Variants in SYT14 observed in about 807,000 individuals in gnomAD.
SYT14 encodes synaptotagmin-14.
Under a neutral mutation model 74.2 loss-of-function variants are expected in SYT14, and 32 were observed. The observed-to-expected ratio is 0.43, with a 90% CI of 0.33 to 0.58. SYT14 has a LOEUF of 0.58. SYT14 is among the 20% of genes least tolerant of loss of function. SYT14 has a pLI of 0.05. For synonymous variants in SYT14, 298 were observed against 337.7 expected (o/e 0.88, Z 1.29); for missense variants, 791 against 981.8 (o/e 0.81, Z 2.60).
intron 5 of SYT14, among the ~76,000 whole-genome samples, chr1:210,023,907 G>T (rs1398622130): frequency 6.6e-6 from 1 of 152,222 alleles, no homozygotes. Context: ...GTGATAAAAT[G>T]TAGCGAATAT....
intron 2 of SYT14, among the ~76,000 whole-genome samples, chr1:209,956,583 A>G (rs779311418): frequency 1.3e-5 from 2 of 152,188 alleles, no homozygotes; most frequent in Non-Finnish European, 2.9e-5. Context: ...TCACAGGGCT[A>G]CATCTATAGT....
At chr1:210,125,627 C>T (rs766559018) in intron 7 of SYT14, among the ~76,000 whole-genome samples, 1 of 152,156 alleles carries the variant, frequency 6.6e-6, no homozygotes, top group Non-Finnish European at 1.5e-5. Flanking sequence ...CCTTGCTACT[C>T]CAGCTCTTCT....
intron 8 of SYT14, among the ~76,000 whole-genome samples, chr1:210,157,976 A>G (rs746238349): frequency 2.0e-5 from 3 of 152,302 alleles, no homozygotes; most frequent in Non-Finnish European, 4.4e-5. Flanking sequence ...CTGAAGGCTT[A>G]AATTCATATT....
chr1:210,072,367 A>G (rs2081411493), intron 5 of SYT14, among the ~76,000 whole-genome samples: 1 of 151,988 alleles, frequency 6.6e-6, no homozygotes, highest in Non-Finnish European at 1.5e-5. Context: ...TAAGGGTAAA[A>G]TACATAAAAG....
intron 5 of SYT14, among the ~76,000 whole-genome samples, chr1:210,082,309 C>G (rs2081631283): frequency 6.6e-6 from 1 of 152,142 alleles, no homozygotes; most frequent in African/African-American, 2.4e-5. Flanking sequence ...CCATTGGCAG[C>G]TAGGAAATAA....
chr1:209,997,644 A>G (rs576926655), intron 2 of SYT14, among the ~76,000 whole-genome samples: 1 of 152,128 alleles, frequency 6.6e-6, no homozygotes, highest in African/African-American at 2.4e-5. Flanking sequence ...AACGTTGGAT[A>G]CTCAGGGACA....
chr1:210,084,273 G>T (rs1218265156), intron 5 of SYT14, among the ~76,000 whole-genome samples: 1 of 152,146 alleles, frequency 6.6e-6, no homozygotes, highest in Non-Finnish European at 1.5e-5. Context: ...AGAATGTGCT[G>T]ATTTCAAAGT....
intron 7 of SYT14, among the ~76,000 whole-genome samples, chr1:210,132,814 T>C (rs1056148569): frequency 2.6e-5 from 4 of 152,108 alleles, no homozygotes; most frequent in Non-Finnish European, 4.4e-5. Context: ...GTCCCTAGCC[T>C]CTCTTCTGGA....
At chr1:210,021,119 T>A (rs750353260) in exon 5 of SYT14, 3 of 1,613,916 alleles carry the variant, frequency 1.9e-6, no homozygotes, top group Non-Finnish European at 2.5e-6. Context: ...TCATGAGGCC[T>A]TATCCAGAAC....
chr1:210,161,378 A>C, exon 10 of SYT14: 1 of 463,788 alleles, frequency 2.2e-6, no homozygotes, highest in East Asian at 6.3e-5. Context: ...ATTATAAGTG[A>C]TTTTAAAAAC....
intron 5 of SYT14, among the ~76,000 whole-genome samples, chr1:210,041,603 A>G (rs75042263): frequency 1.3e-3 from 191 of 152,304 alleles, no homozygotes; most frequent in African/African-American, 3.8e-3. Context: ...AACAATTCGT[A>G]TACTATACTA....
At chr1:210,058,668 G>C (rs2081144808) in intron 5 of SYT14, among the ~76,000 whole-genome samples, 1 of 152,128 alleles carries the variant, frequency 6.6e-6, no homozygotes, top group Non-Finnish European at 1.5e-5. Context: ...CACCATATCA[G>C]CAAAAGCTAC....
chr1:210,165,460 T>C (rs1273665685), exon 10 of SYT14: 2 of 152,180 alleles, frequency 1.3e-5, no homozygotes, highest in African/African-American at 2.4e-5. Flanking sequence ...CCTATACTTA[T>C]ATTCCAAAAG....
At chr1:210,102,675 T>C (rs771593953) in intron 7 of SYT14, among the ~76,000 whole-genome samples, 1 of 151,990 alleles carries the variant, frequency 6.6e-6, no homozygotes, top group African/African-American at 2.4e-5. Context: ...TTCTAGTTGC[T>C]TTTTTTCCCC....
chr1:210,130,801 T>A (rs2082657790), intron 7 of SYT14, among the ~76,000 whole-genome samples: 1 of 152,220 alleles, frequency 6.6e-6, no homozygotes, highest in Non-Finnish European at 1.5e-5. Context: ...ACAACAGTAA[T>A]AACATCATAT....
At chr1:209,949,114 A>G (rs983274446) in intron 1 of SYT14, among the ~76,000 whole-genome samples, 8 of 152,242 alleles carry the variant, frequency 5.3e-5, no homozygotes, top group African/African-American at 9.6e-5. Flanking sequence ...ACTTTTCAAG[A>G]CAAAATAGAC....
At chr1:210,106,274 C>T (rs184325173) in intron 7 of SYT14, among the ~76,000 whole-genome samples, 44 of 152,292 alleles carry the variant, frequency 2.9e-4, no homozygotes, top group African/African-American at 1.0e-3. Context: ...TGCCCAAAGA[C>T]AGTCTTAGCC....
At position 209,987,892 on chromosome 1, in the gene SYT14, T is replaced by TA. The variant is rs138297042; in HGVS notation, c.-485-25740dup. ...TAATTTTTCTGACTACTTCTGTTTT[T>TA]ATCTTTACAACTTTAATCCATTTGA... is the stretch of plus-strand genomic sequence containing the variant. On this transcript the variant is annotated intron_variant, in intron 2 of 9. Coordinates refer to ENST00000637265, the Ensembl canonical transcript of SYT14. 8.4e-3 allele frequency among the ~76,000 whole-genome samples: 1,281 copies of TA among 152,346 alleles called. 21 individuals are homozygous for TA. Among genetic ancestry groups the TA allele is most frequent in the African/African-American group, 0.03 (1,237 of 41,592 alleles).
intron 4 of SYT14, among the ~76,000 whole-genome samples, chr1:210,019,897 T>G (rs1234918563): frequency 6.6e-6 from 1 of 152,196 alleles, no homozygotes; most frequent in Non-Finnish European, 1.5e-5. Context: ...AAAAAACTGG[T>G]AATAACTAGT....
Sources: gnomAD v4.1 joint callset for allele counts (sites outside exome capture counted in the v4.1 genomes callset) on GRCh38, gnomAD v4.1.1 for gene constraint, MANE v1.5 for transcripts, NCBI Gene and HGNC (gene_info 2026-07-23, HGNC 2026-07-21) for gene names.